The following USP4 variants were observed in gnomAD, a reference collection of about 807,000 sequenced individuals.
USP4 encodes the protein ubiquitin carboxyl-terminal hydrolase 4.
A neutral mutation model predicts 118.2 loss-of-function variants in USP4; 72 were observed. The observed-to-expected ratio is 0.61, with a 90% CI of 0.50 to 0.74. The LOEUF is 0.74. Ranked by LOEUF, USP4 falls within the 30% of genes least tolerant of loss-of-function variation. The pLI is 0.00. For synonymous variants in USP4, 415 were observed against 440.4 expected (o/e 0.94, Z 0.72); for missense variants, 1,037 against 1,185.7 (o/e 0.87, Z 1.84).
At position 49,294,576 on chromosome 3, in the gene USP4, C is replaced by G. The variant is rs201746300; in HGVS notation, c.1714G>C (p.Val572Leu). ...AGCGTGACACATTCCGAGCCATCCA[C>G]GGAAGTGCTGCAGACCTCGTACCTG... ...IFVYEVCSTS[V>L]DGSECVTLPV... Residue 572 changes from valine (V) to leucine (L), a missense_variant, in exon 14 of 22, where the codon GTG (valine) becomes CTG (leucine). This residue lies in a region of USP4 where 522 missense variants were observed against 592.6 expected (regional missense o/e 0.88). Transcript: ENST00000265560. 1.2e-5 allele frequency: 19 copies of G among 1,613,862 alleles called. No homozygotes were observed. Among genetic ancestry groups the G allele is most frequent in the Non-Finnish European group, 1.6e-5 (19 of 1,179,954 alleles).
In USP4 at chr3:49,277,919, A is replaced by T. The variant is rs751295317; in HGVS notation, c.*374T>A. On this transcript the variant is annotated 3_prime_UTR_variant, in exon 22 of 22. Coordinates refer to ENST00000265560, the MANE Select transcript of USP4 (RefSeq NM_003363.4). ...GTATTGGCATCAGAACCAGAAATCC[A>T]GGCGCTCAGGGCAGCCCTGCAGGTG... is the stretch of plus-strand genomic sequence containing the variant. 2.8e-5 allele frequency: 11 copies of T among 393,260 alleles called. No individual in the cohort carries two copies. Among genetic ancestry groups the T allele is most frequent in the Non-Finnish European group, 4.9e-5 (11 of 223,674 alleles). 24.4% of individuals were successfully genotyped at this position (393,260 alleles called of 1,614,324 possible). A position where few individuals can be genotyped will look rare whatever the true frequency, so the allele number is the denominator to read the frequency against.
chr3:49,310,623 C>A lies in USP4; in HGVS notation c.951G>T (p.Leu317Phe). 1 of 1,613,200 alleles carries A rather than the reference C, an allele frequency of 6.2e-7. No individual in the cohort carries two copies. The highest frequency in any genetic ancestry group is 8.5e-7 in the Non-Finnish European group (1 of 1,179,160). Residue 317 changes from leucine (L) to phenylalanine (F), a missense_variant, in exon 8 of 22, where the codon TTG (leucine) becomes TTT (phenylalanine). Coordinates refer to ENST00000265560, the MANE Select transcript of USP4 (RefSeq NM_003363.4). ...LGNTCFMNSALQCLSNTAPLT... is the reference protein window; with the variant it reads ...LGNTCFMNSAFQCLSNTAPLT... ...GAATGGAAGTTCTCTCCTCTACCTG[C>A]AAAGCGGAGTTCATGAAGCAGGTGT...
At chr3:49,294,702 G>T in intron 13 of USP4, 104 bp from the exon 14 acceptor site, 1 of 1,078,908 alleles carries the variant, frequency 9.3e-7, no homozygotes, top group Non-Finnish European at 1.3e-6. Flanking sequence ...TACTGGGACA[G>T]AGCATATTTG....
chr3:49,314,989 T>C lies in USP4; in HGVS notation c.696-3335A>G, dbSNP rs191305102. Reference sequence around the variant, plus strand: ...TTAAAGAAAAATTTTATTTGATGTTTAAAATGTTCTAGAAAATACTGCCAG... The same window carrying C: ...TTAAAGAAAAATTTTATTTGATGTTCAAAATGTTCTAGAAAATACTGCCAG... On this transcript the variant is annotated intron_variant, in intron 6 of 21. Transcript: ENST00000265560. 1.2e-4 allele frequency among the ~76,000 whole-genome samples: 18 copies of C among 152,222 alleles called. No individual in the cohort carries two copies. In the East Asian group the frequency reaches 2.5e-3, roughly 21 times the overall value.
chr3:49,317,409 G>T, intron 6 of USP4: 1 of 994,180 alleles, frequency 1.0e-6, no homozygotes, highest in Non-Finnish European at 1.6e-6. Context: ...GCTCCTCTAT[G>T]CATTTGACCA....
Position 49,340,035 on chromosome 3 carries a change from GC to G in USP4, c.-12del. The G allele has an allele frequency of 6.2e-7, 1 of 1,603,042 alleles. No individual in the cohort carries two copies. Among genetic ancestry groups the G allele is most frequent in the Non-Finnish European group, 8.5e-7 (1 of 1,178,870 alleles). ...TCCACCTTCCGCCATCTCCTCCGCG[GC>G]CCCGGCCCAGCCGGCCCGGACATCC... On this transcript the variant is annotated 5_prime_UTR_variant, in exon 1 of 22. Coordinates refer to ENST00000265560, the MANE Select transcript of USP4 (RefSeq NM_003363.4).
Position 49,277,236 on chromosome 3 carries a change from C to G in USP4, c.*1057G>C, listed in dbSNP as rs1343113996. 1 of 1,312,516 alleles carries G rather than the reference C, an allele frequency of 7.6e-7. No homozygotes were observed. The highest frequency in any genetic ancestry group is 1.2e-5 in the South Asian group (1 of 81,194). The allele number at this position is 1,312,516 out of a possible 1,614,324, so 81.3% of individuals were successfully genotyped here. On this transcript the variant is annotated 3_prime_UTR_variant, in exon 22 of 22. Transcript: ENST00000265560. Reference sequence around the variant, plus strand: ...CCAACGGTCATCGCATGCGCGTGCCCCGCGCAGGCCCCAAACCCCCACGGA... The same window carrying G: ...CCAACGGTCATCGCATGCGCGTGCCGCGCGCAGGCCCCAAACCCCCACGGA...
chr3:49,288,991 T>A (rs142001141), intron 15 of USP4, among the ~76,000 whole-genome samples: 5 of 152,054 alleles, frequency 3.3e-5, no homozygotes, highest in African/African-American at 1.2e-4. Flanking sequence ...ACATCTGTAG[T>A]TCCCAGCTAC....
Position 49,309,660 on chromosome 3 carries a change from CTT to C in USP4, c.954+958_954+959del, listed in dbSNP as rs1361585939. 3.5e-5 allele frequency among the ~76,000 whole-genome samples: 4 copies of C among 112,904 alleles called. No individual in the cohort carries two copies. In the East Asian group the frequency reaches 1.3e-3, roughly 37 times the overall value. The allele number at this position is 112,904 out of a possible 152,430, so 74.1% of individuals were successfully genotyped here. On this transcript the variant is annotated intron_variant, in intron 8 of 21. Transcript: ENST00000265560. ...TTTTTTTTTGAAACGGAGTTTCACT[CTT>C]GTTGCCCAGGCTGGAATACAATGGC...
chr3:49,296,522 GCCTGTAGTC>G (rs1014735252), intron 13 of USP4, among the ~76,000 whole-genome samples: 9 of 151,756 alleles, frequency 5.9e-5, no homozygotes, highest in Non-Finnish European at 7.4e-5. Context: ...GGTGGCGGGT[GCCTGTAGTC>G]CCAGCTACTC....
intron 1 of USP4, among the ~76,000 whole-genome samples, chr3:49,338,044 CAAAAAAAAAA>C (rs57186354): frequency 1.5e-4 from 8 of 52,026 alleles, no homozygotes; most frequent in African/African-American, 5.0e-4. Flanking sequence ...GACTTCGTCT[CAAAAAAAAAA>C]AAAAAAAAAA....
intron 6 of USP4, among the ~76,000 whole-genome samples, chr3:49,313,296 G>A (rs1176608213): frequency 2.6e-5 from 4 of 152,140 alleles, no homozygotes; most frequent in African/African-American, 2.4e-5. Flanking sequence ...GGAGGCTGAG[G>A]TGGGTGGATC....
chr3:49,278,003 T>C lies in USP4; in HGVS notation c.*290A>G. On this transcript the variant is annotated 3_prime_UTR_variant, in exon 22 of 22. Transcript: ENST00000265560. ...CTGTGTTCCTCTCCATTCTTCGGGA[T>C]CCATCAGACATACTCCATTGAGTAC... 4.5e-6 allele frequency: 2 copies of C among 448,994 alleles called. No individual in the cohort carries two copies. The highest frequency in any genetic ancestry group is 7.8e-6 in the Non-Finnish European group (2 of 257,376). The allele number at this position is 448,994 out of a possible 1,614,324, so 27.8% of individuals were successfully genotyped here.
intron 15 of USP4, 106 bp downstream of exon 15, chr3:49,292,404 A>T (rs2047160909): frequency 4.6e-6 from 3 of 659,230 alleles, no homozygotes; most frequent in Non-Finnish European, 4.8e-6. Flanking sequence ...GCAGAGCCCC[A>T]ACCCAGTCCC....
chr3:49,280,730 A>C lies in USP4; in HGVS notation c.2644+14T>G, dbSNP rs771518270. The C allele has an allele frequency of 3.7e-6, 6 of 1,607,646 alleles. No homozygotes were observed. In the South Asian group the frequency reaches 6.6e-5, roughly 18 times the overall value. On this transcript the variant is annotated intron_variant, in intron 20 of 21. Coordinates refer to ENST00000265560, the MANE Select transcript of USP4 (RefSeq NM_003363.4). Reference sequence around the variant, plus strand: ...ATTTCAACATCTCAGAAGGAAGCAGATGTCAATACTTACAGTGGCCAACCC... The same window carrying C: ...ATTTCAACATCTCAGAAGGAAGCAGCTGTCAATACTTACAGTGGCCAACCC...
In USP4 at chr3:49,310,712, T is replaced by C. The variant is rs368126665; in HGVS notation, c.862A>G (p.Asn288Asp). ...RGGSGFSASYNCQEPPSSHIQ... is the reference protein window; with the variant it reads ...RGGSGFSASYDCQEPPSSHIQ... Reference sequence around the variant, plus strand: ...TGAGAGGATGGTGGCTCCTGACAATTATACGAAGCAGAAAAGCCAGATCCA... The same window carrying C: ...TGAGAGGATGGTGGCTCCTGACAATCATACGAAGCAGAAAAGCCAGATCCA... Residue 288 changes from asparagine (N) to aspartate (D), a missense_variant, in exon 8 of 22, where the codon AAT (asparagine) becomes GAT (aspartate). By Grantham distance (23) the Asn-to-Asp change is conservative. Transcript: ENST00000265560. 8 of 1,614,100 alleles carry C rather than the reference T, an allele frequency of 5.0e-6. No individual in the cohort carries two copies. In the South Asian group the frequency reaches 8.8e-5, roughly 18 times the overall value.
In USP4 at chr3:49,284,911, T is replaced by A; in HGVS notation, c.2209A>T (p.Thr737Ser). ...TCACTGTCCCAATCCATGGCCAGTG[T>A]AGATCGAGCTGAGGAGGACCAAAAT... The part of the protein sequence containing the change: ...GKLLKLNSRS[T>S]LAMDWDSETR... Residue 737 changes from threonine to serine, a missense_variant, in exon 17 of 22, where the codon ACA (threonine) becomes TCA (serine). Physicochemically the swap from Thr to Ser is moderately conservative, Grantham distance 58. Transcript: ENST00000265560. The A allele has an allele frequency of 6.2e-7, 1 of 1,612,358 alleles. No homozygotes were observed. The highest frequency in any genetic ancestry group is 8.5e-7 in the Non-Finnish European group (1 of 1,179,104).
chr3:49,278,205 C>T lies in USP4; in HGVS notation c.*88G>A. 1 of 1,390,966 alleles carries T rather than the reference C, an allele frequency of 7.2e-7. No homozygotes were observed. The highest frequency in any genetic ancestry group is 9.5e-7 in the Non-Finnish European group (1 of 1,048,948). 86.2% of individuals were successfully genotyped at this position (1,390,966 alleles called of 1,614,324 possible). On this transcript the variant is annotated 3_prime_UTR_variant, in exon 22 of 22. Coordinates refer to ENST00000265560, the MANE Select transcript of USP4 (RefSeq NM_003363.4). ...GGTATTTCCTTGTCTGGTTTTTAGACAGAACACTAGCAGTCTGCAGAGTGT... is the reference window on the plus strand; with the variant it reads ...GGTATTTCCTTGTCTGGTTTTTAGATAGAACACTAGCAGTCTGCAGAGTGT...
chr3:49,294,603 G>C lies in USP4; in HGVS notation c.1692-5C>G. On this transcript the variant is annotated splice_region_variant and splice_polypyrimidine_tract_variant and intron_variant, in intron 13 of 21. Transcript: ENST00000265560. The stretch of plus-strand genomic sequence containing the variant: ...GAAGTGCTGCAGACCTCGTACCTGC[G>C]TCAATCACACAAGAGGGCACTTTTA... The C allele has an allele frequency of 6.2e-7, 1 of 1,611,920 alleles. No homozygotes were observed. The highest frequency in any genetic ancestry group is 8.5e-7 in the Non-Finnish European group (1 of 1,178,688).
Sources: gnomAD v4.1 joint callset for allele counts (sites outside exome capture counted in the v4.1 genomes callset) on GRCh38, gnomAD v4.1.1 for gene constraint, gnomAD v4.1.1 regional missense constraint, MANE v1.5 for transcripts, NCBI Gene and HGNC (gene_info 2026-07-23, HGNC 2026-07-21) for gene names.